GALNTL5: variants seen among roughly 807,000 people sequenced by gnomAD.
GALNTL5 encodes the protein polypeptide N-acetylgalactosaminyltransferase like 5, also known as inactive polypeptide N-acetylgalactosaminyltransferase-like protein 5.
In GALNTL5, 44 loss-of-function variants were observed where a neutral mutation model predicts 51.0. The observed-to-expected ratio is 0.86, with a 90% CI of 0.68 to 1.11. The LOEUF (loss-of-function observed/expected upper bound fraction) is 1.11, where lower values mean the gene tolerates loss of function less well. Among genes scored for constraint, GALNTL5 ranks in the 50% least tolerant of loss-of-function variants. The pLI is 0.00. For missense variants in GALNTL5, 528 were observed against 531.8 expected, an observed-to-expected ratio of 0.99 and a Z score of 0.07; for synonymous variants, 192 against 182.8, an observed-to-expected ratio of 1.05 and a Z score of -0.41.
At chr7:151,971,116 TAGATAGATAGATAGATAGATAGAA>T (rs751012874) in intron 3 of GALNTL5, 51 bp downstream of exon 3, 3 of 1,259,174 alleles carry the variant, frequency 2.4e-6, no homozygotes, top group African/African-American at 1.5e-5. Context: ...GATAGATAGA[TAGATAGATAGATAGATAGATAGAA>T]AGAAAACAGT....
intron 3 of GALNTL5, among the ~76,000 whole-genome samples, chr7:151,977,072 A>G (rs1012359936): frequency 3.3e-5 from 5 of 152,218 alleles, no homozygotes; most frequent in African/African-American, 1.2e-4. Context: ...TAATAGGTAC[A>G]TTATACAAAT....
chr7:151,967,214 G>A lies in GALNTL5; in HGVS notation c.-33G>A, dbSNP rs770123890. 3 of 1,592,816 alleles carry A rather than the reference G, an allele frequency of 1.9e-6. No homozygotes were observed. The highest frequency in any genetic ancestry group is 2.6e-6 in the Non-Finnish European group (3 of 1,169,476). ...TTAAATCATTCTGATTTAGGAAATT[G>A]AAAAATGGACCTTTGAAAATGCTAG... On this transcript the variant is annotated 5_prime_UTR_variant, in exon 2 of 9. Transcript: ENST00000392800.
At position 151,988,292 on chromosome 7, in the gene GALNTL5, C is replaced by A. The variant is rs148683307; in HGVS notation, c.658+1011C>A. Among the ~76,000 whole-genome samples the A allele has an allele frequency of 6.8e-4, 103 of 152,318 alleles. 1 individual carries two copies. The East Asian group carries it at 0.016, about 24-fold the overall frequency. ...CTGCTGGGCGGCTGAGTCCCAGGAG[C>A]ATCTGAGCAGCTTGATAGAGAGCCC... On this transcript the variant is annotated intron_variant, in intron 5 of 8. Coordinates refer to ENST00000392800, the MANE Select transcript of GALNTL5 (RefSeq NM_145292.4).
At chr7:151,963,508 G>C (rs551606963) in intron 1 of GALNTL5, among the ~76,000 whole-genome samples, 1 of 152,100 alleles carries the variant, frequency 6.6e-6, no homozygotes, top group Non-Finnish European at 1.5e-5. Context: ...AGCCATTCTC[G>C]TGCCTCAGCC....
intron 1 of GALNTL5, among the ~76,000 whole-genome samples, chr7:151,961,106 C>A (rs1293987451): frequency 6.6e-6 from 1 of 152,170 alleles, no homozygotes; most frequent in Non-Finnish European, 1.5e-5. Context: ...GACGGAGGAT[C>A]ACTTGAAGCC....
At chr7:152,013,435 C>A (rs987577337) in intron 7 of GALNTL5, among the ~76,000 whole-genome samples, 1 of 151,962 alleles carries the variant, frequency 6.6e-6, no homozygotes, top group Non-Finnish European at 1.5e-5. Flanking sequence ...AACAAACTAT[C>A]CCAAAACACA....
intron 2 of GALNTL5, among the ~76,000 whole-genome samples, chr7:151,969,921 C>T (rs1440065447): frequency 6.6e-6 from 1 of 152,168 alleles, no homozygotes; most frequent in East Asian, 1.9e-4. Flanking sequence ...ATTCTCCTGC[C>T]TCAGCCTCCC....
chr7:151,988,007 C>T (rs778153878), intron 5 of GALNTL5, among the ~76,000 whole-genome samples: 3 of 152,150 alleles, frequency 2.0e-5, no homozygotes, highest in African/African-American at 7.2e-5. Flanking sequence ...TCAGTAGATC[C>T]GAAAACTTTG....
chr7:151,964,194 A>G (rs147709276), intron 1 of GALNTL5, among the ~76,000 whole-genome samples: 22 of 152,252 alleles, frequency 1.4e-4, no homozygotes, highest in African/African-American at 3.9e-4. Context: ...CACTGGTCCT[A>G]TTGGAATTGG....
intron 5 of GALNTL5, among the ~76,000 whole-genome samples, chr7:151,988,637 G>A (rs756667334): frequency 1.3e-5 from 2 of 151,794 alleles, no homozygotes; most frequent in Non-Finnish European, 2.9e-5. Flanking sequence ...TTTCAGACCC[G>A]CGTTTTTATG....
intron 6 of GALNTL5, among the ~76,000 whole-genome samples, chr7:152,007,596 T>C (rs2081664228): frequency 6.6e-6 from 1 of 151,904 alleles, no homozygotes; most frequent in Non-Finnish European, 1.5e-5. Context: ...TTTTTTGTAT[T>C]TTTAGTAGAG....
At chr7:152,019,586 A>G (rs2081863392) in intron 8 of GALNTL5, 60 bp from the exon 9 acceptor site, 2 of 1,493,578 alleles carry the variant, frequency 1.3e-6, no homozygotes, top group African/African-American at 2.8e-5. Flanking sequence ...AGATATAATC[A>G]TTTGATCAGC....
At position 152,007,934 on chromosome 7, in the gene GALNTL5, T is replaced by C. The variant is rs754312240; in HGVS notation, c.1016T>C (p.Leu339Pro). ...MDFWGRENLELSLRIWMCGGQ... is the reference protein window; with the variant it reads ...MDFWGRENLEPSLRIWMCGGQ... ...TTTTGGGGAAGAGAAAATTTGGAAC[T>C]TTCACTAAGGGTAATTCAGATTTCA... Residue 339 changes from leucine to proline, a missense_variant, in exon 7 of 9, where the codon CTT (leucine) becomes CCT (proline). By Grantham distance (98) the Leu-to-Pro change is moderately conservative (BLOSUM62 -3). Coordinates refer to ENST00000392800, the MANE Select transcript of GALNTL5 (RefSeq NM_145292.4). 4 of 1,522,194 alleles carry C rather than the reference T, an allele frequency of 2.6e-6. No homozygotes were observed. Among genetic ancestry groups the C allele is most frequent in the Non-Finnish European group, 3.6e-6 (4 of 1,097,138 alleles). 94.3% of individuals were successfully genotyped at this position (1,522,194 alleles called of 1,614,324 possible). A position where few individuals can be genotyped will look rare whatever the true frequency, so the allele number is the denominator to read the frequency against.
intron 5 of GALNTL5, among the ~76,000 whole-genome samples, chr7:151,999,420 T>A (rs2081543155): frequency 6.6e-6 from 1 of 152,204 alleles, no homozygotes. Context: ...TTTAATTTTT[T>A]GAGGAGCTGC....
At chr7:151,994,538 G>A (rs2081470001) in intron 5 of GALNTL5, among the ~76,000 whole-genome samples, 1 of 151,818 alleles carries the variant, frequency 6.6e-6, no homozygotes, top group East Asian at 1.9e-4. Context: ...CCAGCTGCAC[G>A]GGCCTTCCTG....
intron 5 of GALNTL5, among the ~76,000 whole-genome samples, chr7:151,996,676 G>T (rs2081504349): frequency 6.6e-6 from 1 of 152,040 alleles, no homozygotes; most frequent in African/African-American, 2.4e-5. Flanking sequence ...TCGAGCCCAG[G>T]AGCTCAAGGT....
chr7:151,975,622 G>T (rs1012959916), intron 3 of GALNTL5, among the ~76,000 whole-genome samples: 1 of 151,798 alleles, frequency 6.6e-6, no homozygotes, highest in African/African-American at 2.4e-5. Flanking sequence ...TTAGTCTGCT[G>T]TCTTTTTCTT....
At chr7:151,972,939 G>A (rs1038956834) in intron 3 of GALNTL5, among the ~76,000 whole-genome samples, 9 of 152,198 alleles carry the variant, frequency 5.9e-5, no homozygotes, top group African/African-American at 1.9e-4. Context: ...GCTGTGAGAA[G>A]AGGACCACCT....
intron 3 of GALNTL5, among the ~76,000 whole-genome samples, chr7:151,978,800 G>T (rs947439894): frequency 9.2e-5 from 14 of 152,130 alleles, no homozygotes; most frequent in Admixed American, 5.2e-4. Flanking sequence ...CTTTGTATAT[G>T]TCTGTCTCTG....
Sources: gnomAD v4.1 joint callset for allele counts (sites outside exome capture counted in the v4.1 genomes callset) on GRCh38, gnomAD v4.1.1 for gene constraint, MANE v1.5 for transcripts, NCBI Gene and HGNC (gene_info 2026-07-23, HGNC 2026-07-21) for gene names.